Variants in DSTYK observed in about 807,000 individuals in gnomAD.
DSTYK encodes dual serine/threonine and tyrosine protein kinase, also known as RIP-homologous kinase.
DSTYK carries 34 observed loss-of-function variants against 98.7 expected under a neutral mutation model. The observed-to-expected ratio is 0.34, with a 90% CI of 0.26 to 0.46. The LOEUF is 0.46. Ranked by LOEUF, DSTYK falls within the 20% of genes least tolerant of loss-of-function variation. The probability of loss-of-function intolerance (pLI) is 1.00; values close to 1 mark genes in which losing one functional copy is unlikely to be tolerated. For missense variants in DSTYK, 962 were observed against 1,181.7 expected (o/e 0.81, Z 2.73); for synonymous variants, 462 against 457.3 (o/e 1.01, Z -0.13).
intron 1 of DSTYK, among the ~76,000 whole-genome samples, chr1:205,196,165 A>C (rs1175086032): frequency 6.6e-6 from 1 of 152,212 alleles, no homozygotes; most frequent in Non-Finnish European, 1.5e-5. Context: ...CATTGAAAAA[A>C]TTCACAAGTC....
At chr1:205,148,004 CTT>C (rs1657293414) in intron 12 of DSTYK, among the ~76,000 whole-genome samples, 199 bp downstream of exon 12, 1 of 151,948 alleles carries the variant, frequency 6.6e-6, no homozygotes. Context: ...TTAAAAAAGA[CTT>C]TTCGAGATAG....
At chr1:205,208,178 C>T (rs1053130676) in intron 1 of DSTYK, among the ~76,000 whole-genome samples, 2 of 152,148 alleles carry the variant, frequency 1.3e-5, no homozygotes, top group African/African-American at 2.4e-5. Context: ...CCGCACCCAG[C>T]CTTACTTTTT....
In DSTYK at chr1:205,144,267, T is replaced by A. The variant is rs1657156275; in HGVS notation, c.*3291A>T. ...TCATGTTGGGGTAAGCTGCCCTAAT[T>A]ATGTTGATTAGAAGGACAGACCACA... On this transcript the variant is annotated 3_prime_UTR_variant, in exon 13 of 13. Coordinates refer to ENST00000367162, the MANE Select transcript of DSTYK (RefSeq NM_015375.3). The A allele has an allele frequency of 6.6e-6, 1 of 152,452 alleles. No homozygotes were observed. The highest frequency in any genetic ancestry group is 2.1e-4 in the South Asian group (1 of 4,830). The allele number at this position is 152,452 out of a possible 1,614,324, so 9.4% of individuals were successfully genotyped here.
At chr1:205,175,636 G>A (rs1432471505) in intron 2 of DSTYK, among the ~76,000 whole-genome samples, 1 of 152,070 alleles carries the variant, frequency 6.6e-6, no homozygotes, top group African/African-American at 2.4e-5. Flanking sequence ...ATGCTTGACG[G>A]TTATAAACAA....
chr1:205,164,169 A>G (rs1419837312), intron 3 of DSTYK, among the ~76,000 whole-genome samples: 1 of 152,176 alleles, frequency 6.6e-6, no homozygotes, highest in African/African-American at 2.4e-5. Flanking sequence ...AGAAGCAATT[A>G]AGTCCAGGTG....
At chr1:205,183,996 G>A (rs1574783030) in intron 2 of DSTYK, among the ~76,000 whole-genome samples, 1 of 152,204 alleles carries the variant, frequency 6.6e-6, no homozygotes, top group South Asian at 2.1e-4. Context: ...AACAACATGA[G>A]AGGCTAGAGA....
chr1:205,146,203 G>A lies in DSTYK; in HGVS notation c.*1355C>T, dbSNP rs1411762821. On this transcript the variant is annotated 3_prime_UTR_variant, in exon 13 of 13. Coordinates refer to ENST00000367162, the MANE Select transcript of DSTYK (RefSeq NM_015375.3). ...AAGTTTTCCAAACGTCAGTGTGTTA[G>A]ATTCAAACACAAAAAGAAAAATTTC... 1 of 152,202 alleles carries A rather than the reference G, an allele frequency of 6.6e-6. No homozygotes were observed. The highest frequency in any genetic ancestry group is 2.4e-5 in the African/African-American group (1 of 41,450). 9.4% of individuals were successfully genotyped at this position (152,202 alleles called of 1,614,324 possible). A position where few individuals can be genotyped will look rare whatever the true frequency, so the allele number is the denominator to read the frequency against.
At chr1:205,207,755 C>CAAAAAAAAAAAAAAAAAAAA (rs766036213) in intron 1 of DSTYK, among the ~76,000 whole-genome samples, 2 of 52,728 alleles carry the variant, frequency 3.8e-5, no homozygotes, top group African/African-American at 1.1e-4. Context: ...GACTCTGTCT[C>CAAAAAAAAAAAAAAAAAAAA]AAAAAAAAAA....
intron 10 of DSTYK, among the ~76,000 whole-genome samples, chr1:205,151,021 T>A (rs567713514): frequency 9.8e-5 from 15 of 152,322 alleles, no homozygotes; most frequent in African/African-American, 3.6e-4. Context: ...GCTACTAGGC[T>A]ACAAACCTGT....
chr1:205,186,562 T>C (rs185424516), intron 2 of DSTYK, among the ~76,000 whole-genome samples: 159 of 152,318 alleles, frequency 1.0e-3, no homozygotes, highest in Admixed American at 1.9e-3. Context: ...AACTAGCCCA[T>C]CCTTCCTGGC....
chr1:205,191,297 A>T (rs929086509), intron 1 of DSTYK, among the ~76,000 whole-genome samples: 1 of 152,222 alleles, frequency 6.6e-6, no homozygotes, highest in Admixed American at 6.5e-5. Context: ...CCAGATTTGA[A>T]CAAGGGCATG....
chr1:205,165,695 T>C (rs1452130939), intron 3 of DSTYK, among the ~76,000 whole-genome samples: 1 of 152,232 alleles, frequency 6.6e-6, no homozygotes, highest in Admixed American at 6.5e-5. Context: ...TTCTAGGAAT[T>C]CTTTTTCTTG....
Position 205,160,170 on chromosome 1 carries a change from A to G in DSTYK, c.2049T>C (p.Val683=), listed in dbSNP as rs1414535312. The G allele has an allele frequency of 2.5e-6, 4 of 1,614,070 alleles. No individual in the cohort carries two copies. The highest frequency in any genetic ancestry group is 3.3e-4 in the Middle Eastern group (2 of 6,084). The change falls in exon 8 of 13, where the codon GTT becomes GTC. Residue 683 remains valine (V), a synonymous_variant. Coordinates refer to ENST00000367162, the MANE Select transcript of DSTYK (RefSeq NM_015375.3). ...GGHFPCALKS[V]VPPDEKHWND... is the part of the protein sequence containing the mutation. ...TCCAGTGCTTCTCATCTGGAGGGACAACTGATTTGAGGGCACAAGGGAAGT... is the reference window on the plus strand; with the variant it reads ...TCCAGTGCTTCTCATCTGGAGGGACGACTGATTTGAGGGCACAAGGGAAGT...
intron 9 of DSTYK, among the ~76,000 whole-genome samples, chr1:205,158,666 C>T (rs755876013): frequency 1.8e-4 from 28 of 152,164 alleles, no homozygotes; most frequent in East Asian, 1.9e-4. Context: ...GTGTCCTTAC[C>T]GGCCTTCGAA....
chr1:205,172,627 A>G (rs1451883055), intron 2 of DSTYK, among the ~76,000 whole-genome samples: 1 of 151,894 alleles, frequency 6.6e-6, no homozygotes, highest in Non-Finnish European at 1.5e-5. Context: ...GAGTTTTTAA[A>G]ATCTTTTTTA....
At chr1:205,208,235 A>T (rs757486452) in intron 1 of DSTYK, among the ~76,000 whole-genome samples, 6 of 152,156 alleles carry the variant, frequency 3.9e-5, no homozygotes, top group Non-Finnish European at 8.8e-5. Flanking sequence ...CACTGACCCC[A>T]GTGAATTCAG....
Position 205,143,360 on chromosome 1 carries a change from T to C in DSTYK, c.*4198A>G, listed in dbSNP as rs1657130369. ...ACGGGGTTTCACCATGTTACCAGGCTGGTCTCGAACTCCTGACCTCAGGTT... is the reference window on the plus strand; with the variant it reads ...ACGGGGTTTCACCATGTTACCAGGCCGGTCTCGAACTCCTGACCTCAGGTT... On this transcript the variant is annotated 3_prime_UTR_variant, in exon 13 of 13. Coordinates refer to ENST00000367162, the MANE Select transcript of DSTYK (RefSeq NM_015375.3). 1 of 152,124 alleles carries C rather than the reference T, an allele frequency of 6.6e-6. No homozygotes were observed. Among genetic ancestry groups the C allele is most frequent in the Non-Finnish European group, 1.5e-5 (1 of 68,032 alleles). 9.4% of individuals were successfully genotyped at this position (152,124 alleles called of 1,614,324 possible). A position where few individuals can be genotyped will look rare whatever the true frequency, so the allele number is the denominator to read the frequency against.
At chr1:205,157,411 T>C (rs745476293) in intron 9 of DSTYK, 25 bp from the exon 10 acceptor site, 2 of 1,597,770 alleles carry the variant, frequency 1.3e-6, no homozygotes, top group Non-Finnish European at 1.7e-6. Context: ...AGAGCTTACT[T>C]GTCATGATAA....
Position 205,190,615 on chromosome 1 carries a change from C to CAAA in DSTYK, c.266-2812_266-2810dup, listed in dbSNP as rs760042971. ...TGGGCAACAGAGCGAGACTCCATCTCAAAAAAAAAAAAAAAAAAAAAACCC... is the reference window on the plus strand; with the variant it reads ...TGGGCAACAGAGCGAGACTCCATCTCAAAAAAAAAAAAAAAAAAAAAAAAACCC... On this transcript the variant is annotated intron_variant, in intron 1 of 12. Transcript: ENST00000367162. Among the ~76,000 whole-genome samples, 248 of 71,336 alleles carry CAAA rather than the reference C, an allele frequency of 3.5e-3. 4 individuals are homozygous for CAAA. The highest frequency in any genetic ancestry group is 0.012 in the African/African-American group (193 of 16,190). 46.8% of individuals were successfully genotyped at this position (71,336 alleles called of 152,430 possible). A position where few individuals can be genotyped will look rare whatever the true frequency, so the allele number is the denominator to read the frequency against.
Sources: gnomAD v4.1 joint callset for allele counts (sites outside exome capture counted in the v4.1 genomes callset) on GRCh38, gnomAD v4.1.1 for gene constraint, MANE v1.5 for transcripts, NCBI Gene and HGNC (gene_info 2026-07-23, HGNC 2026-07-21) for gene names.